The following PACS1 variants were observed in gnomAD, a reference collection of about 807,000 sequenced individuals.
PACS1 encodes the protein phosphofurin acidic cluster sorting protein 1, also known as PACS-1.
A neutral mutation model predicts 115.0 loss-of-function variants in PACS1; 24 were observed. The observed-to-expected ratio is 0.21, with a 90% confidence interval of 0.15 to 0.29. PACS1 has a LOEUF of 0.29. Ranked by LOEUF, PACS1 falls within the 10% of genes least tolerant of loss-of-function variation. PACS1 has a pLI of 1.00. For missense variants in PACS1, 838 were observed against 1,251.2 expected (o/e 0.67, Z 4.98); for synonymous variants, 453 against 504.5 (o/e 0.90, Z 1.37).
chr11:66,115,811 T>A (rs1450401839), intron 1 of PACS1, among the ~76,000 whole-genome samples: 1 of 152,208 alleles, frequency 6.6e-6, no homozygotes, highest in Non-Finnish European at 1.5e-5. Context: ...GGTTTCTGGT[T>A]TTCCTTTTCA....
rs1590828970 is a variant in PACS1 at position 66,220,582 on chromosome 11, A to G, written c.1039-49A>G. On this transcript the variant is annotated intron_variant, in intron 8 of 23. Coordinates refer to ENST00000320580, the MANE Select transcript of PACS1 (RefSeq NM_018026.4). Reference sequence around the variant, plus strand: ...AGAAAGGAGCTGCTCATCAACCAAAATTGTTAATAGGGATGACCCTAAATT... The same window carrying G: ...AGAAAGGAGCTGCTCATCAACCAAAGTTGTTAATAGGGATGACCCTAAATT... 6 of 1,607,590 alleles carry G rather than the reference A, an allele frequency of 3.7e-6. No homozygotes were observed. The East Asian group carries it at 1.1e-4, about 30-fold the overall frequency.
At chr11:66,213,401 C>T (rs1441703060) in intron 4 of PACS1, among the ~76,000 whole-genome samples, 3 of 152,202 alleles carry the variant, frequency 2.0e-5, no homozygotes, top group East Asian at 1.9e-4. Flanking sequence ...ATTTCAGGCT[C>T]ATCTTGTACT....
chr11:66,175,578 G>A lies in PACS1; in HGVS notation c.357-17908G>A, dbSNP rs535239677. On this transcript the variant is annotated intron_variant, in intron 1 of 23. Coordinates refer to ENST00000320580, the MANE Select transcript of PACS1 (RefSeq NM_018026.4). ...TACACTTTCACTGTCACTTTGCTAC[G>A]TTTTGTGTAAGTTGTGATCTGTCTT... Among the ~76,000 whole-genome samples, 12 of 152,248 alleles carry A rather than the reference G, an allele frequency of 7.9e-5. No individual in the cohort carries two copies. In the East Asian group the frequency reaches 1.5e-3, roughly 20 times the overall value.
chr11:66,090,271 C>CTTTTTTTTTTTTT (rs930565654), intron 1 of PACS1, among the ~76,000 whole-genome samples: 3 of 109,432 alleles, frequency 2.7e-5, no homozygotes, highest in Non-Finnish European at 5.5e-5. Flanking sequence ...TCTTTCCTTT[C>CTTTTTTTTTTTTT]TTTTTTTTTT....
At chr11:66,152,617 A>G (rs955949733) in intron 1 of PACS1, among the ~76,000 whole-genome samples, 2 of 152,242 alleles carry the variant, frequency 1.3e-5, no homozygotes, top group East Asian at 3.8e-4. Context: ...AAAAGCAGAT[A>G]GAGATCCTTT....
intron 1 of PACS1, among the ~76,000 whole-genome samples, chr11:66,145,228 G>C (rs887322762): frequency 6.6e-6 from 1 of 152,184 alleles, no homozygotes; most frequent in East Asian, 1.9e-4. Context: ...AACAATGGGA[G>C]TCTTTGACTC....
intron 2 of PACS1, among the ~76,000 whole-genome samples, chr11:66,199,302 G>A (rs1854721138): frequency 6.8e-6 from 1 of 147,048 alleles, no homozygotes; most frequent in East Asian, 2.0e-4. Flanking sequence ...GCAACAGAGC[G>A]AGACTCCATC....
At chr11:66,109,371 A>C (rs1858133192) in intron 1 of PACS1, among the ~76,000 whole-genome samples, 1 of 152,182 alleles carries the variant, frequency 6.6e-6, no homozygotes, top group Admixed American at 6.5e-5. Context: ...CAGCATGGGC[A>C]ACATAGTGAG....
chr11:66,113,419 G>C (rs889688520), intron 1 of PACS1, among the ~76,000 whole-genome samples: 1 of 152,056 alleles, frequency 6.6e-6, no homozygotes, highest in Non-Finnish European at 1.5e-5. Context: ...CTAATTGCAG[G>C]GTTATTGGTT....
At chr11:66,172,224 C>G (rs1037565795) in intron 1 of PACS1, among the ~76,000 whole-genome samples, 2 of 152,066 alleles carry the variant, frequency 1.3e-5, no homozygotes, top group Non-Finnish European at 2.9e-5. Flanking sequence ...ACGGTATATC[C>G]TTAAGACACT....
chr11:66,144,892 C>T (rs1859084944), intron 1 of PACS1, among the ~76,000 whole-genome samples: 1 of 152,210 alleles, frequency 6.6e-6, no homozygotes, highest in African/African-American at 2.4e-5. Flanking sequence ...ACTTTGGCCT[C>T]CCAAAGTGCT....
At chr11:66,080,676 C>T (rs1360936820) in intron 1 of PACS1, among the ~76,000 whole-genome samples, 2 of 152,108 alleles carry the variant, frequency 1.3e-5, no homozygotes, top group East Asian at 3.9e-4. Flanking sequence ...ACACCAGAGC[C>T]GTTTCTGTGT....
chr11:66,229,900 T>C (rs1487166674), intron 11 of PACS1, among the ~76,000 whole-genome samples: 3 of 150,764 alleles, frequency 2.0e-5, no homozygotes. Flanking sequence ...GAGCCAAGGT[T>C]GCGCCAAGAT....
chr11:66,100,940 G>C, intron 1 of PACS1: 1 of 456,180 alleles, frequency 2.2e-6, no homozygotes, highest in South Asian at 1.5e-5. Flanking sequence ...AAGCCTCAGT[G>C]CCTGTCCTCC....
At chr11:66,136,198 C>T (rs1858839994) in intron 1 of PACS1, among the ~76,000 whole-genome samples, 11 of 151,188 alleles carry the variant, frequency 7.3e-5, no homozygotes, top group African/African-American at 2.2e-4. Flanking sequence ...CAAAATTGTG[C>T]TGTTGCTTTC....
At chr11:66,193,612 G>A (rs1160884359) in intron 2 of PACS1, 39 bp downstream of exon 2, 1 of 1,474,238 alleles carries the variant, frequency 6.8e-7, no homozygotes, top group East Asian at 2.3e-5. Flanking sequence ...GCCCAGGGAA[G>A]CTGGATAACC....
chr11:66,214,889 T>C (rs1855163399), intron 4 of PACS1, among the ~76,000 whole-genome samples: 1 of 152,064 alleles, frequency 6.6e-6, no homozygotes, highest in Admixed American at 6.6e-5. Flanking sequence ...CCCAAAGTGC[T>C]GGGATTGCAG....
intron 2 of PACS1, among the ~76,000 whole-genome samples, chr11:66,202,742 AATATATATATATATAT>A (rs56203680): frequency 4.2e-5 from 3 of 71,608 alleles, no homozygotes; most frequent in African/African-American, 2.4e-4. Context: ...AAAAAAAAAA[AATATATATATATATAT>A]ATATATATAT....
At chr11:66,118,769 CAAAAAAAAAAAA>C (rs397945291) in intron 1 of PACS1, among the ~76,000 whole-genome samples, 1 of 83,614 alleles carries the variant, frequency 1.2e-5, no homozygotes, top group Non-Finnish European at 2.2e-5. Context: ...CCCATGTCTA[CAAAAAAAAAAAA>C]AAAAAAAAAA....
Sources: gnomAD v4.1 joint callset for allele counts (sites outside exome capture counted in the v4.1 genomes callset) on GRCh38, gnomAD v4.1.1 for gene constraint, MANE v1.5 for transcripts, NCBI Gene and HGNC (gene_info 2026-07-23, HGNC 2026-07-21) for gene names.